The following NDST3 variants were observed in gnomAD, a reference collection of about 807,000 sequenced individuals.
The protein encoded by NDST3 is bifunctional heparan sulfate N-deacetylase/N-sulfotransferase 3.
NDST3 carries 58 observed loss-of-function variants against 96.1 expected under a neutral mutation model. The ratio of observed to expected loss-of-function variants is 0.60; its 90% CI spans 0.49 to 0.75. NDST3 has a LOEUF of 0.75. NDST3 is among the 30% of genes least tolerant of loss of function. The probability of loss-of-function intolerance (pLI) is 0.00; values close to 1 mark genes in which losing one functional copy is unlikely to be tolerated. For missense variants in NDST3, 788 were observed against 1,034.2 expected (o/e 0.76, Z 3.27); for synonymous variants, 333 against 359.7 (o/e 0.93, Z 0.84).
At chr4:118,135,503 C>A (rs1211289499) in intron 4 of NDST3, among the ~76,000 whole-genome samples, 1 of 152,048 alleles carries the variant, frequency 6.6e-6, no homozygotes, top group Non-Finnish European at 1.5e-5. Flanking sequence ...TATCATGTTT[C>A]CAGAACTATA....
intron 1 of NDST3, among the ~76,000 whole-genome samples, chr4:118,041,800 T>A (rs978316756): frequency 2.0e-5 from 3 of 152,240 alleles, no homozygotes; most frequent in Non-Finnish European, 4.4e-5. Flanking sequence ...TTTAAAAGTG[T>A]TTTCATCTCA....
At chr4:118,078,215 T>C (rs1727728540) in intron 2 of NDST3, among the ~76,000 whole-genome samples, 1 of 152,102 alleles carries the variant, frequency 6.6e-6, no homozygotes, top group Non-Finnish European at 1.5e-5. Flanking sequence ...TCTCTATGTC[T>C]CCCTGCTGCC....
rs12108668 is a variant in NDST3 at position 118,115,441 on chromosome 4, T to C, written c.1224+481T>C. 6.6e-3 allele frequency among the ~76,000 whole-genome samples: 1,011 copies of C among 152,192 alleles called. 8 individuals are homozygous for C. The highest frequency in any genetic ancestry group is 0.023 in the African/African-American group (969 of 41,526). The stretch of plus-strand genomic sequence containing the variant: ...AGATACGTCCTGAAATAAGAATAAA[T>C]CTTCGGGATCAGGATTAATTGAAAT... On this transcript the variant is annotated intron_variant, in intron 4 of 13. Coordinates refer to ENST00000296499, the MANE Select transcript of NDST3 (RefSeq NM_004784.3).
intron 3 of NDST3, among the ~76,000 whole-genome samples, chr4:118,111,053 A>T (rs911999777): frequency 6.6e-6 from 1 of 152,318 alleles, no homozygotes; most frequent in African/African-American, 2.4e-5. Context: ...TCCTAAGTAA[A>T]TCAATGCAAG....
chr4:118,143,877 G>A (rs1421435771), intron 6 of NDST3, among the ~76,000 whole-genome samples, 193 bp downstream of exon 6: 1 of 152,156 alleles, frequency 6.6e-6, no homozygotes, highest in Non-Finnish European at 1.5e-5. Flanking sequence ...GCAGTAACAT[G>A]AGGAACTCAT....
chr4:118,217,041 C>G (rs1015879022), intron 6 of NDST3, among the ~76,000 whole-genome samples: 1 of 152,012 alleles, frequency 6.6e-6, no homozygotes, highest in Non-Finnish European at 1.5e-5. Context: ...GTCAGAAAGA[C>G]AAAACTAGGG....
chr4:118,232,853 C>A (rs1488195280), intron 8 of NDST3, among the ~76,000 whole-genome samples, 159 bp from the exon 9 acceptor site: 1 of 152,112 alleles, frequency 6.6e-6, no homozygotes, highest in African/African-American at 2.4e-5. Context: ...TTAGAACCTG[C>A]TTCTATTAAA....
chr4:118,111,115 C>A (rs1019859202), intron 3 of NDST3, among the ~76,000 whole-genome samples: 8 of 152,054 alleles, frequency 5.3e-5, no homozygotes, highest in African/African-American at 1.9e-4. Context: ...AACTAAACAT[C>A]GAGTACTCAT....
chr4:118,155,969 A>C (rs1734685920), intron 6 of NDST3, among the ~76,000 whole-genome samples: 1 of 152,202 alleles, frequency 6.6e-6, no homozygotes, highest in Non-Finnish European at 1.5e-5. Flanking sequence ...TTCCCATAGC[A>C]ATCAATGACA....
intron 4 of NDST3, among the ~76,000 whole-genome samples, chr4:118,126,855 T>C (rs1578687455): frequency 6.6e-6 from 1 of 152,186 alleles, no homozygotes. Flanking sequence ...CCAGCATTTG[T>C]TGTTGCCTGT....
At chr4:118,196,474 C>T (rs1042298185) in intron 6 of NDST3, among the ~76,000 whole-genome samples, 1 of 152,006 alleles carries the variant, frequency 6.6e-6, no homozygotes, top group South Asian at 2.1e-4. Flanking sequence ...GTCATTGGGT[C>T]CTGGGCTTTT....
intron 6 of NDST3, among the ~76,000 whole-genome samples, chr4:118,175,059 G>A (rs534088732): frequency 2.6e-5 from 4 of 152,098 alleles, no homozygotes; most frequent in South Asian, 2.1e-4. Flanking sequence ...ATAATACCCC[G>A]TATTTTACCA....
intron 2 of NDST3, among the ~76,000 whole-genome samples, chr4:118,057,736 C>G (rs1372966576): frequency 1.3e-5 from 2 of 151,900 alleles, no homozygotes; most frequent in Admixed American, 1.3e-4. Context: ...TGATAGAGAC[C>G]GAAGCCCATT....
chr4:118,140,697 C>T (rs1487299745), intron 5 of NDST3, among the ~76,000 whole-genome samples: 2 of 152,152 alleles, frequency 1.3e-5, no homozygotes, highest in African/African-American at 2.4e-5. Context: ...AAGCAAAGCA[C>T]CTTCTTCACA....
In NDST3 at chr4:118,217,275, G is replaced by A. The variant is rs527740368; in HGVS notation, c.1540-7216G>A. ...GCTGGTTTGCCCTGAGCACAGAAGG[G>A]GTACAGAAGGGAAGACTGGAAAGAT... On this transcript the variant is annotated intron_variant, in intron 6 of 13. Transcript: ENST00000296499. Among the ~76,000 whole-genome samples the A allele has an allele frequency of 2.6e-5, 4 of 152,146 alleles. No individual in the cohort carries two copies. The South Asian group carries it at 8.3e-4, about 32-fold the overall frequency.
At chr4:118,104,732 G>C (rs1730030457) in intron 2 of NDST3, among the ~76,000 whole-genome samples, 1 of 152,086 alleles carries the variant, frequency 6.6e-6, no homozygotes, top group Admixed American at 6.5e-5. Context: ...CTAGATCGTA[G>C]TTCTTTTGAT....
chr4:118,214,838 C>T (rs979023336), intron 6 of NDST3, among the ~76,000 whole-genome samples: 32 of 152,060 alleles, frequency 2.1e-4, no homozygotes, highest in Admixed American at 1.0e-3. Context: ...ACCATAGGAA[C>T]AGTAGTAACC....
At chr4:118,102,964 C>A (rs947078376) in intron 2 of NDST3, among the ~76,000 whole-genome samples, 1 of 152,082 alleles carries the variant, frequency 6.6e-6, no homozygotes, top group Admixed American at 6.6e-5. Context: ...TTCAAATCTG[C>A]AAATTCAGGG....
At chr4:118,212,234 C>T (rs1216519721) in intron 6 of NDST3, among the ~76,000 whole-genome samples, 2 of 152,176 alleles carry the variant, frequency 1.3e-5, no homozygotes, top group Non-Finnish European at 2.9e-5. Context: ...ATAGAGGCAG[C>T]TACAGTCTGG....
Sources: gnomAD v4.1 joint callset for allele counts (sites outside exome capture counted in the v4.1 genomes callset) on GRCh38, gnomAD v4.1.1 for gene constraint, MANE v1.5 for transcripts, NCBI Gene and HGNC (gene_info 2026-07-23, HGNC 2026-07-21) for gene names.